The following DAB1 variants were observed in gnomAD, a reference collection of about 807,000 sequenced individuals.
DAB1 encodes the protein disabled homolog 1.
DAB1 carries 15 observed loss-of-function variants against 64.6 expected under a neutral mutation model. That is an observed-to-expected ratio of 0.23 (90% CI 0.16 to 0.36). The LOEUF (loss-of-function observed/expected upper bound fraction) is 0.36, where lower values mean the gene tolerates loss of function less well. Ranked by LOEUF, DAB1 falls within the 10% of genes least tolerant of loss-of-function variation. The pLI is 1.00. For synonymous variants in DAB1, 235 were observed against 251.9 expected, an observed-to-expected ratio of 0.93 and a Z score of 0.64; for missense variants, 596 against 706.7, an observed-to-expected ratio of 0.84 and a Z score of 1.78.
chr1:57,556,523 C>T (rs1246791978), intron 7 of DAB1, among the ~76,000 whole-genome samples: 1 of 151,808 alleles, frequency 6.6e-6, no homozygotes, highest in Non-Finnish European at 1.5e-5. Context: ...CATTTCTCTG[C>T]TAATTAGTGA....
At chr1:57,407,767 A>AGTGTGTGTGT (rs3991224) in intron 1 of DAB1, among the ~76,000 whole-genome samples, 3 of 146,940 alleles carry the variant, frequency 2.0e-5, no homozygotes, top group South Asian at 2.2e-4. Context: ...AGATATCTGA[A>AGTGTGTGTGT]GTGTGTGTGT....
At chr1:57,221,302 C>T (rs530745072) in intron 2 of DAB1, among the ~76,000 whole-genome samples, 22 of 152,052 alleles carry the variant, frequency 1.4e-4, no homozygotes, top group African/African-American at 4.8e-4. Flanking sequence ...ATGTAAATGA[C>T]GAGTTAATGG....
At chr1:58,431,558 GAAAAAAAAAAA>G in intron 3 of DAB1, among the ~76,000 whole-genome samples, 2 of 76,284 alleles carry the variant, frequency 2.6e-5, no homozygotes, top group African/African-American at 1.0e-4. Flanking sequence ...ACTCCATCTG[GAAAAAAAAAAA>G]AAAAAAAAAG....
intron 2 of DAB1, among the ~76,000 whole-genome samples, chr1:58,523,906 G>A (rs527890565): frequency 1.3e-5 from 2 of 151,790 alleles, no homozygotes; most frequent in South Asian, 4.2e-4. Context: ...CTCAAAAAAA[G>A]AAAAAAAGAA....
intron 9 of DAB1, among the ~76,000 whole-genome samples, chr1:57,043,860 A>AG (rs1259064095): frequency 6.6e-6 from 1 of 151,952 alleles, no homozygotes; most frequent in African/African-American, 2.4e-5. Flanking sequence ...AAAAAAAAAA[A>AG]AATCAGATGA....
At chr1:57,448,769 GACACACAC>G (rs59445697) in intron 7 of DAB1, among the ~76,000 whole-genome samples, 61 of 150,492 alleles carry the variant, frequency 4.1e-4, no homozygotes, top group Admixed American at 6.0e-4. Flanking sequence ...TAGCAATTCT[GACACACAC>G]ACACACACAC....
chr1:58,098,183 C>T (rs749406859), intron 5 of DAB1, among the ~76,000 whole-genome samples: 4 of 152,148 alleles, frequency 2.6e-5, no homozygotes, highest in African/African-American at 7.2e-5. Context: ...TTTCACCCCT[C>T]CCCCAGCATT....
intron 7 of DAB1, among the ~76,000 whole-genome samples, chr1:57,577,285 A>G (rs2101544609): frequency 6.6e-6 from 1 of 152,298 alleles, no homozygotes; most frequent in South Asian, 2.1e-4. Flanking sequence ...AAAGATGGGT[A>G]TTAGAAAAGT....
chr1:57,445,985 G>A (rs2781322), intron 7 of DAB1, among the ~76,000 whole-genome samples: 99,685 of 151,994 alleles, frequency 0.66, 33,230 homozygotes, highest in Admixed American at 0.74. Flanking sequence ...CTTTCTCTGT[G>A]TGGGAATGGG....
chr1:57,997,143 C>T (rs541548788), intron 5 of DAB1, among the ~76,000 whole-genome samples: 18 of 152,190 alleles, frequency 1.2e-4, no homozygotes, highest in African/African-American at 4.1e-4. Flanking sequence ...TTGGGAAGCT[C>T]GGCAAGTGGG....
chr1:58,466,738 T>A (rs1053462857), intron 3 of DAB1, among the ~76,000 whole-genome samples: 15 of 152,096 alleles, frequency 9.9e-5, no homozygotes, highest in Non-Finnish European at 2.1e-4. Context: ...GCCTTGACAT[T>A]CTACACGGGT....
rs1470703568 is a variant in DAB1, at chr1:57,921,041, C to T, written n.388-36879G>A. The stretch of plus-strand genomic sequence containing the variant: ...AGTAATTTAAGAATACTGGAAACGA[C>T]CTTAATGATGTTCATTGGGAATTAA... On this transcript the variant is annotated intron_variant and non_coding_transcript_variant, in intron 5 of 20. Transcript: ENST00000485760. Among the ~76,000 whole-genome samples the T allele has an allele frequency of 2.0e-5, 3 of 152,046 alleles. No homozygotes were observed. The East Asian group carries it at 5.8e-4, about 29-fold the overall frequency.
chr1:57,623,391 C>T (rs956042280), intron 7 of DAB1, among the ~76,000 whole-genome samples: 1 of 152,136 alleles, frequency 6.6e-6, no homozygotes, highest in Non-Finnish European at 1.5e-5. Context: ...GGTGGTCTAG[C>T]ACTTCATTAC....
intron 5 of DAB1, among the ~76,000 whole-genome samples, chr1:57,939,255 G>T (rs1413033183): frequency 6.6e-6 from 1 of 152,044 alleles, no homozygotes; most frequent in Non-Finnish European, 1.5e-5. Flanking sequence ...AATCCCATTT[G>T]TGGACGCTCC....
chr1:57,682,268 T>G (rs1363867057), intron 6 of DAB1, among the ~76,000 whole-genome samples: 1 of 150,968 alleles, frequency 6.6e-6, no homozygotes, highest in East Asian at 1.9e-4. Flanking sequence ...TAGAACAAAC[T>G]CTTGGCTATT....
At chr1:58,309,952 T>C (rs567238512) in intron 4 of DAB1, among the ~76,000 whole-genome samples, 1 of 152,318 alleles carries the variant, frequency 6.6e-6, no homozygotes, top group African/African-American at 2.4e-5. Context: ...AATTTGAATC[T>C]TGATGATTCC....
intron 6 of DAB1, among the ~76,000 whole-genome samples, chr1:57,785,708 T>C (rs986265127): frequency 6.6e-6 from 1 of 152,190 alleles, no homozygotes; most frequent in Non-Finnish European, 1.5e-5. Context: ...TTGCTTCTTA[T>C]AGATGATCAA....
intron 7 of DAB1, among the ~76,000 whole-genome samples, chr1:57,437,455 A>T (rs935266873): frequency 1.3e-5 from 2 of 152,248 alleles, no homozygotes; most frequent in Non-Finnish European, 2.9e-5. Flanking sequence ...TTGTAATATG[A>T]ATGCAAATTA....
At chr1:57,162,618 G>A (rs77333270) in intron 2 of DAB1, among the ~76,000 whole-genome samples, 15,307 of 152,242 alleles carry the variant, frequency 0.1, 2,635 homozygotes, top group African/African-American at 0.35. Context: ...ACCTCCATTA[G>A]AAAAAATCCA....
Sources: gnomAD v4.1 joint callset for allele counts (sites outside exome capture counted in the v4.1 genomes callset) on GRCh38, gnomAD v4.1.1 for gene constraint, MANE v1.5 for transcripts, NCBI Gene and HGNC (gene_info 2026-07-23, HGNC 2026-07-21) for gene names.